The following ATXN1 variants were observed in gnomAD, a reference collection of about 807,000 sequenced individuals.
The protein encoded by ATXN1 is ataxin-1.
A neutral mutation model predicts 56.4 loss-of-function variants in ATXN1; 8 were observed. That is an observed-to-expected ratio of 0.14 (90% CI 0.08 to 0.26). The LOEUF (loss-of-function observed/expected upper bound fraction) is 0.26, where lower values mean the gene tolerates loss of function less well. Among genes scored for constraint, ATXN1 ranks in the 10% least tolerant of loss-of-function variants. The pLI is 1.00. For missense variants in ATXN1, 987 were observed against 1,106.5 expected, an observed-to-expected ratio of 0.89 and a Z score of 1.53; for synonymous variants, 514 against 494.6, an observed-to-expected ratio of 1.04 and a Z score of -0.52.
chr6:16,349,242 C>T (rs144849277), intron 6 of ATXN1, among the ~76,000 whole-genome samples: 4 of 152,088 alleles, frequency 2.6e-5, no homozygotes, highest in African/African-American at 4.8e-5. Context: ...TGGTGGCTCA[C>T]GCCTGTAATC....
At chr6:16,437,344 T>C (rs1759415958) in intron 6 of ATXN1, among the ~76,000 whole-genome samples, 1 of 152,196 alleles carries the variant, frequency 6.6e-6, no homozygotes. Flanking sequence ...GAAGGCTACT[T>C]GATGCGGATA....
intron 2 of ATXN1, among the ~76,000 whole-genome samples, chr6:16,698,650 TA>T (rs11311429): frequency 0.29 from 38,969 of 134,278 alleles, 5,420 homozygotes; most frequent in East Asian, 0.42. Context: ...CCTCAAAAAT[TA>T]AAAAAAAAAA....
chr6:16,514,276 G>T (rs1581813058), intron 5 of ATXN1, among the ~76,000 whole-genome samples: 1 of 151,780 alleles, frequency 6.6e-6, no homozygotes, highest in Non-Finnish European at 1.5e-5. Flanking sequence ...TAGCCTTGTG[G>T]AGCTTAAAAA....
At position 16,328,485 on chromosome 6, in the gene ATXN1, A is replaced by G. The variant is rs1760901863; in HGVS notation, c.-160-15T>C. Reference sequence around the variant, plus strand: ...AGCTCTGGATGCTGGGAAAGGGAAGAGGGCAGTGACAAAGGGAAAAGGAAA... The same window carrying G: ...AGCTCTGGATGCTGGGAAAGGGAAGGGGGCAGTGACAAAGGGAAAAGGAAA... On this transcript the variant is annotated splice_polypyrimidine_tract_variant and intron_variant, in intron 6 of 7. Transcript: ENST00000436367. The surrounding 1 kb of genome is among the most constrained non-coding windows in gnomAD (Gnocchi z 6.2). 1.7e-6 allele frequency: 2 copies of G among 1,194,696 alleles called. No homozygotes were observed. The highest frequency in any genetic ancestry group is 2.8e-5 in the East Asian group (1 of 35,830). The allele number at this position is 1,194,696 out of a possible 1,614,324, so 74.0% of individuals were successfully genotyped here. A position where few individuals can be genotyped will look rare whatever the true frequency, so the allele number is the denominator to read the frequency against.
chr6:16,342,741 C>T lies in ATXN1; in HGVS notation c.-160-14271G>A, dbSNP rs1761281923. On this transcript the variant is annotated intron_variant, in intron 6 of 7. Coordinates refer to ENST00000436367, the MANE Select transcript of ATXN1 (RefSeq NM_001128164.2). The stretch of plus-strand genomic sequence containing the variant: ...ACATGCTATGACATTGATAAATCTT[C>T]AAACATTATGCTAAGTGAAAGAAGC... Among the ~76,000 whole-genome samples, 5 of 152,210 alleles carry T rather than the reference C, an allele frequency of 3.3e-5. No homozygotes were observed. In the South Asian group the frequency reaches 1.0e-3, roughly 32 times the overall value.
intron 2 of ATXN1, among the ~76,000 whole-genome samples, chr6:16,693,866 A>C (rs1759100675): frequency 6.6e-6 from 1 of 152,194 alleles, no homozygotes; most frequent in African/African-American, 2.4e-5. Flanking sequence ...GTCCACCCCC[A>C]GTCACCCTTC....
intron 3 of ATXN1, among the ~76,000 whole-genome samples, chr6:16,653,265 A>C (rs768413819): frequency 6.6e-6 from 1 of 152,194 alleles, no homozygotes; most frequent in Non-Finnish European, 1.5e-5. Context: ...TGCTGGAACA[A>C]GAGGCGGACG....
At chr6:16,742,864 T>C (rs996858415) in intron 2 of ATXN1, among the ~76,000 whole-genome samples, 1 of 152,160 alleles carries the variant, frequency 6.6e-6, no homozygotes, top group Non-Finnish European at 1.5e-5. Context: ...TGTGGTACCT[T>C]AACCTAAATC....
At chr6:16,336,255 C>T (rs1359486677) in intron 6 of ATXN1, among the ~76,000 whole-genome samples, 1 of 152,204 alleles carries the variant, frequency 6.6e-6, no homozygotes, top group Non-Finnish European at 1.5e-5. Context: ...GCGGGTTACA[C>T]TCACCTCCTG....
intron 6 of ATXN1, among the ~76,000 whole-genome samples, chr6:16,391,999 C>A (rs551195650): frequency 1.2e-4 from 19 of 152,244 alleles, no homozygotes; most frequent in African/African-American, 4.6e-4. Context: ...GACAACTATG[C>A]AATAATTAGG....
chr6:16,581,845 T>C (rs1355978744), intron 4 of ATXN1, among the ~76,000 whole-genome samples: 1 of 152,056 alleles, frequency 6.6e-6, no homozygotes, highest in Non-Finnish European at 1.5e-5. Flanking sequence ...TTAAGAAAAA[T>C]CACCATACTG....
chr6:16,499,659 C>T (rs1259223827), intron 5 of ATXN1, among the ~76,000 whole-genome samples: 2 of 152,184 alleles, frequency 1.3e-5, no homozygotes. Context: ...CCGACACCCA[C>T]CCATTAAGAT....
intron 6 of ATXN1, among the ~76,000 whole-genome samples, chr6:16,353,390 G>A (rs1761612932): frequency 6.6e-6 from 1 of 152,102 alleles, no homozygotes; most frequent in Admixed American, 6.5e-5. Flanking sequence ...AGCAATTACA[G>A]GAGGCCCGGC....
chr6:16,724,397 A>C (rs1037736503), intron 2 of ATXN1, among the ~76,000 whole-genome samples: 7 of 152,070 alleles, frequency 4.6e-5, no homozygotes, highest in Non-Finnish European at 1.0e-4. Flanking sequence ...TGGTCATGGA[A>C]GAGCTGGAGT....
At chr6:16,384,752 G>A (rs1758203672) in intron 6 of ATXN1, among the ~76,000 whole-genome samples, 1 of 152,218 alleles carries the variant, frequency 6.6e-6, no homozygotes, top group South Asian at 2.1e-4. Flanking sequence ...GGACGTGCTG[G>A]CTTCCCCTTC....
At chr6:16,445,159 C>G (rs1561898743) in intron 6 of ATXN1, among the ~76,000 whole-genome samples, 1 of 152,102 alleles carries the variant, frequency 6.6e-6, no homozygotes. Flanking sequence ...TAAAATAAAA[C>G]TTATTAATAA....
chr6:16,639,895 A>G (rs1424686421), intron 3 of ATXN1, among the ~76,000 whole-genome samples: 3 of 152,178 alleles, frequency 2.0e-5, no homozygotes, highest in Non-Finnish European at 2.9e-5. Flanking sequence ...CCTATGATTC[A>G]CCAATTCTCC....
chr6:16,682,154 AC>A, intron 2 of ATXN1, among the ~76,000 whole-genome samples: 1 of 145,860 alleles, frequency 6.9e-6, no homozygotes, highest in South Asian at 2.2e-4. Flanking sequence ...CCTCAGCATC[AC>A]CCCCTACCCA....
At chr6:16,683,935 G>C (rs1318120755) in intron 2 of ATXN1, among the ~76,000 whole-genome samples, 2 of 152,220 alleles carry the variant, frequency 1.3e-5, no homozygotes, top group Admixed American at 1.3e-4. Flanking sequence ...CAGTGGCACA[G>C]TTCATGGTTC....
Sources: gnomAD v4.1 joint callset for allele counts (sites outside exome capture counted in the v4.1 genomes callset) on GRCh38, gnomAD v4.1.1 for gene constraint, Gnocchi (gnomAD v3.1) non-coding constraint, MANE v1.5 for transcripts, NCBI Gene and HGNC (gene_info 2026-07-23, HGNC 2026-07-21) for gene names.